The following CACNA1B variants were observed in gnomAD, a reference collection of about 807,000 sequenced individuals.
The protein encoded by CACNA1B is calcium voltage-gated channel subunit alpha1 B.
Under a neutral mutation model 247.2 loss-of-function variants are expected in CACNA1B, and 70 were observed. The ratio of observed to expected loss-of-function variants is 0.28; its 90% CI spans 0.23 to 0.35. The LOEUF (loss-of-function observed/expected upper bound fraction) is 0.35, where lower values mean the gene tolerates loss of function less well. CACNA1B is among the 10% of genes least tolerant of loss of function. CACNA1B has a pLI of 1.00. For missense variants in CACNA1B, 2,367 were observed against 3,197.4 expected (o/e 0.74, Z 6.26); for synonymous variants, 1,231 against 1,294.4 (o/e 0.95, Z 1.05).
At chr9:137,967,756 C>G (rs1391075936) in intron 10 of CACNA1B, among the ~76,000 whole-genome samples, 1 of 152,220 alleles carries the variant, frequency 6.6e-6, no homozygotes, top group Non-Finnish European at 1.5e-5. Flanking sequence ...TTTCCTTTGT[C>G]AGTGACTTGC....
chr9:137,977,841 C>G (rs928237402), intron 12 of CACNA1B, among the ~76,000 whole-genome samples: 1 of 152,138 alleles, frequency 6.6e-6, no homozygotes, highest in South Asian at 2.1e-4. Flanking sequence ...GAGCATTGCC[C>G]CTCTCAGGGT....
chr9:137,988,518 A>G (rs1016692426), intron 15 of CACNA1B, among the ~76,000 whole-genome samples: 2 of 152,170 alleles, frequency 1.3e-5, no homozygotes, highest in African/African-American at 4.8e-5. Context: ...TTCTGATCAG[A>G]TGATGCTCTG....
intron 20 of CACNA1B, among the ~76,000 whole-genome samples, chr9:138,026,601 G>C (rs200281169): frequency 4.6e-5 from 7 of 151,880 alleles, no homozygotes; most frequent in African/African-American, 1.7e-4. Context: ...TTTGTGGCTT[G>C]ACAGCTCATT....
Position 138,020,580 on chromosome 9 carries a change from C to A in CACNA1B, c.2268-2431C>A, listed in dbSNP as rs894997551. ...CTTGGTGGTGCTGGCCGAGTGAGGG[C>A]AGATGCAGACAGTCTCTGGTGACGT... On this transcript the variant is annotated intron_variant, in intron 18 of 46. Transcript: ENST00000371372. The surrounding 1 kb of genome is among the most constrained non-coding windows in gnomAD (Gnocchi z 4.1). Among the ~76,000 whole-genome samples the A allele has an allele frequency of 6.6e-6, 1 of 152,198 alleles. No individual in the cohort carries two copies. The highest frequency in any genetic ancestry group is 1.5e-5 in the Non-Finnish European group (1 of 68,046).
chr9:138,000,961 T>C (rs1013923650), intron 15 of CACNA1B, among the ~76,000 whole-genome samples: 12 of 152,222 alleles, frequency 7.9e-5, no homozygotes, highest in African/African-American at 2.9e-4. Context: ...ATCTACTTCA[T>C]GTGTCTCCTT....
intron 37 of CACNA1B, among the ~76,000 whole-genome samples, chr9:138,096,961 C>G (rs957999419): frequency 2.6e-5 from 4 of 151,500 alleles, no homozygotes; most frequent in African/African-American, 9.7e-5. Flanking sequence ...CTTTCAAGGC[C>G]TGTCATGTGA....
intron 3 of CACNA1B, among the ~76,000 whole-genome samples, chr9:137,898,256 G>A (rs1957194425): frequency 6.6e-6 from 1 of 152,114 alleles, no homozygotes; most frequent in African/African-American, 2.4e-5. Context: ...TTTGTTTTTA[G>A]TTTTTGGAAA....
chr9:138,023,456 G>C lies in CACNA1B; in HGVS notation c.2713G>C (p.Glu905Gln), dbSNP rs1035718413. The change falls in exon 19 of 47, where the codon GAG (glutamate) becomes CAG (glutamine). Residue 905 changes from glutamate to glutamine, a missense_variant. Glu to Gln is a conservative substitution (Grantham distance 29, BLOSUM62 2). This residue lies in a region of CACNA1B where 631 missense variants were observed against 631.1 expected (regional missense o/e 1.00). Coordinates refer to ENST00000371372, the MANE Select transcript of CACNA1B (RefSeq NM_000718.4). ...EAAGPPEARS[E>Q]RGRGPGPEGG... ...CGCGGGGCCCCCGGAGGCGCGGAGC[G>C]AGCGCGGCCGAGGCCCAGGCCCCGA... The C allele has an allele frequency of 8.3e-7, 1 of 1,210,906 alleles. No individual in the cohort carries two copies. Among genetic ancestry groups the C allele is most frequent in the Non-Finnish European group, 1.0e-6 (1 of 976,130 alleles). 75.0% of individuals were successfully genotyped at this position (1,210,906 alleles called of 1,614,324 possible).
chr9:137,934,948 G>A (rs1957648345), intron 6 of CACNA1B, among the ~76,000 whole-genome samples: 1 of 152,092 alleles, frequency 6.6e-6, no homozygotes. Flanking sequence ...AATCACACTA[G>A]CTCACTAGCA....
intron 39 of CACNA1B, among the ~76,000 whole-genome samples, chr9:138,106,202 G>T (rs1961419281): frequency 6.6e-6 from 1 of 152,178 alleles, no homozygotes; most frequent in South Asian, 2.1e-4. Flanking sequence ...TCCCTGATCT[G>T]ATGGACAGTA....
At chr9:137,907,567 A>G (rs1475756088) in intron 3 of CACNA1B, among the ~76,000 whole-genome samples, 3 of 152,206 alleles carry the variant, frequency 2.0e-5, no homozygotes, top group South Asian at 2.1e-4. Flanking sequence ...CTGATTGCCA[A>G]TCGTTTTGAG....
Position 138,120,788 on chromosome 9 carries a change from C to T in CACNA1B, c.6396C>T (p.Arg2132=), listed in dbSNP as rs1287575997. The change falls in exon 46 of 47, where the codon CGC becomes CGT. Residue 2132 remains arginine, a synonymous_variant. Coordinates refer to ENST00000371372, the MANE Select transcript of CACNA1B (RefSeq NM_000718.4). ...AGCAGCGCTTCTACTCCTGCGACCG[C>T]TTTGGGGGCCGTGAGCCCCCGAAGC... ...SEKQRFYSCD[R]FGGREPPKPK... is the part of the protein sequence containing the mutation. 3 of 1,555,620 alleles carry T rather than the reference C, an allele frequency of 1.9e-6. No individual in the cohort carries two copies. The highest frequency in any genetic ancestry group is 8.7e-7 in the Non-Finnish European group (1 of 1,150,032).
At chr9:137,883,474 A>T in intron 3 of CACNA1B, among the ~76,000 whole-genome samples, 1 of 151,864 alleles carries the variant, frequency 6.6e-6, no homozygotes, top group South Asian at 2.1e-4. Context: ...TGTGATTGCC[A>T]AAGTAACCAG....
intron 34 of CACNA1B, 52 bp downstream of exon 34, chr9:138,074,118 A>T (rs895382982): frequency 1.6e-6 from 2 of 1,233,422 alleles, no homozygotes; most frequent in Non-Finnish European, 2.4e-6. Context: ...CGTGCCCTGG[A>T]GCAGAGGGGC....
At position 138,102,758 on chromosome 9, in the gene CACNA1B, C is replaced by T. The variant is rs1424160364; in HGVS notation, c.5270C>T (p.Ser1757Phe). The T allele has an allele frequency of 1.2e-6, 2 of 1,613,064 alleles. No individual in the cohort carries two copies. Among genetic ancestry groups the T allele is most frequent in the Non-Finnish European group, 1.7e-6 (2 of 1,179,432 alleles). Residue 1757 changes from serine to phenylalanine, a missense_variant, in exon 38 of 47, where the codon TCC becomes TTC. Ser to Phe is a radical substitution (Grantham distance 155). Transcript: ENST00000371372. This position sits in a 1 kb window ranked among gnomAD's most constrained non-coding sequence, Gnocchi z 5.4. ...NDMFEMLKHM[S>F]PPLGLGKKCP... ...ATGTTTGAGATGCTGAAACACATGT[C>T]CCCGCCTCTGGGGCTGGGGAAGAAA...
rs1230976440 is a variant in CACNA1B at position 137,882,895 on chromosome 9, G to A, written c.530+12G>A. 6.2e-7 allele frequency: 1 copy of A among 1,612,062 alleles called. No homozygotes were observed. Among genetic ancestry groups the A allele is most frequent in the Non-Finnish European group, 8.5e-7 (1 of 1,178,496 alleles). The stretch of plus-strand genomic sequence containing the variant: ...GTCGTCCTCACAGGGTAGGCAAGCT[G>A]AGGCCAGGAGGCCCAGCGTGTGAGG... On this transcript the variant is annotated intron_variant, in intron 3 of 46. Transcript: ENST00000371372. The surrounding 1 kb of genome is among the most constrained non-coding windows in gnomAD (Gnocchi z 4.0).
chr9:137,972,753 G>A (rs1265209462), intron 11 of CACNA1B, among the ~76,000 whole-genome samples: 1 of 152,220 alleles, frequency 6.6e-6, no homozygotes, highest in African/African-American at 2.4e-5. Context: ...TCCCAAACTT[G>A]ACATTGAAAT....
rs1410857211 is a variant in CACNA1B, at chr9:137,888,809, C to A, written c.530+5926C>A. Among the ~76,000 whole-genome samples the A allele has an allele frequency of 2.6e-5, 4 of 152,238 alleles. No homozygotes were observed. The highest frequency in any genetic ancestry group is 9.6e-5 in the African/African-American group (4 of 41,470). On this transcript the variant is annotated intron_variant, in intron 3 of 46. Coordinates refer to ENST00000371372, the MANE Select transcript of CACNA1B (RefSeq NM_000718.4). The surrounding 1 kb of genome is among the most constrained non-coding windows in gnomAD (Gnocchi z 4.7). ...TTCTTTTGGGCTTTGTGGACGCAGG[C>A]CGATTCAGATGGTGGCAGGCACTTC... is the stretch of plus-strand genomic sequence containing the variant.
chr9:138,063,636 A>G (rs556878562), intron 31 of CACNA1B, among the ~76,000 whole-genome samples: 1 of 152,370 alleles, frequency 6.6e-6, no homozygotes, highest in South Asian at 2.1e-4. Context: ...TGTGCTCACC[A>G]GGTTGGCACC....
Sources: gnomAD v4.1 joint callset for allele counts (sites outside exome capture counted in the v4.1 genomes callset) on GRCh38, gnomAD v4.1.1 for gene constraint, gnomAD v4.1.1 regional missense constraint, Gnocchi (gnomAD v3.1) non-coding constraint, MANE v1.5 for transcripts, NCBI Gene and HGNC (gene_info 2026-07-23, HGNC 2026-07-21) for gene names.